The following XKR6 variants were observed in gnomAD, a reference collection of about 807,000 sequenced individuals.
XKR6 encodes the protein XK-related protein 6.
In XKR6, 22 loss-of-function variants were observed where a neutral mutation model predicts 56.7. The observed-to-expected ratio is 0.39, with a 90% CI of 0.28 to 0.55. The LOEUF is 0.55. Among genes scored for constraint, XKR6 ranks in the 20% least tolerant of loss-of-function variants. The probability of loss-of-function intolerance (pLI) is 0.66; values close to 1 mark genes in which losing one functional copy is unlikely to be tolerated. For missense variants in XKR6, 852 were observed against 889.0 expected (o/e 0.96, Z 0.53); for synonymous variants, 524 against 387.8 (o/e 1.35, Z -4.13).
chr8:10,971,314 G>C lies in XKR6; in HGVS notation c.765-46484C>G, dbSNP rs560503529. Among the ~76,000 whole-genome samples, 10 of 151,914 alleles carry C rather than the reference G, an allele frequency of 6.6e-5. No individual in the cohort carries two copies. The South Asian group carries it at 1.9e-3, about 28-fold the overall frequency. On this transcript the variant is annotated intron_variant, in intron 1 of 2. Transcript: ENST00000416569. ...CGGGCACCTGTAGTCCCGGCTACTC[G>C]GGAGGCTGAGGCAGGAGAATGGCGT...
intron 1 of XKR6, among the ~76,000 whole-genome samples, chr8:11,065,579 CG>C (rs1253825610): frequency 7.3e-5 from 11 of 151,610 alleles, no homozygotes; most frequent in Non-Finnish European, 1.2e-4. Context: ...TTACTTAATA[CG>C]TTTTTTTTTT....
At chr8:11,065,396 T>G (rs1311004537) in intron 1 of XKR6, among the ~76,000 whole-genome samples, 1 of 152,218 alleles carries the variant, frequency 6.6e-6, no homozygotes, top group African/African-American at 2.4e-5. Flanking sequence ...GCTCCACCAT[T>G]CGGTGGCTTC....
chr8:11,108,242 T>C (rs933371286), intron 1 of XKR6: 7 of 453,820 alleles, frequency 1.5e-5, no homozygotes, highest in African/African-American at 1.4e-4. Context: ...TTGTAAAATC[T>C]GTAAGGAATA....
At chr8:11,199,075 G>C (rs912759514) in intron 1 of XKR6, among the ~76,000 whole-genome samples, 1 of 152,076 alleles carries the variant, frequency 6.6e-6, no homozygotes, top group Non-Finnish European at 1.5e-5. Context: ...AAAGTTAATC[G>C]GCATTTTCCT....
At chr8:11,084,249 G>C (rs1797813301) in intron 1 of XKR6, among the ~76,000 whole-genome samples, 1 of 152,240 alleles carries the variant, frequency 6.6e-6, no homozygotes, top group Non-Finnish European at 1.5e-5. Flanking sequence ...CAAACCAAGA[G>C]AGTTGGAAAT....
chr8:11,022,432 CT>C (rs1188534574), intron 1 of XKR6, among the ~76,000 whole-genome samples: 9 of 152,156 alleles, frequency 5.9e-5, no homozygotes, highest in South Asian at 2.1e-4. Flanking sequence ...AGCAGTCCCC[CT>C]GGGTCCAAGG....
rs1799067695 is a variant in XKR6, at chr8:11,033,808, A to T, written c.765-108978T>A. ...CTCGTATCTTCAGATTATGACTCCT[A>T]GGGGTCCAGAAATACACATTTTAAA... is the stretch of plus-strand genomic sequence containing the variant. On this transcript the variant is annotated intron_variant, in intron 1 of 2. Transcript: ENST00000416569. 2.0e-5 allele frequency among the ~76,000 whole-genome samples: 3 copies of T among 152,178 alleles called. No individual in the cohort carries two copies. In the South Asian group the frequency reaches 6.2e-4, roughly 32 times the overall value.
intron 1 of XKR6, chr8:11,195,358 A>G: frequency 1.7e-6 from 1 of 588,994 alleles, no homozygotes; most frequent in Non-Finnish European, 3.0e-6. Flanking sequence ...GTCAACTGCT[A>G]ATATCATGTT....
chr8:10,896,581 A>C lies in XKR6; in HGVS notation c.*1371T>G, dbSNP rs1396619880. On this transcript the variant is annotated 3_prime_UTR_variant, in exon 3 of 3. Coordinates refer to ENST00000416569, the MANE Select transcript of XKR6 (RefSeq NM_173683.4). ...CACACATACACACACAAACACACAC[A>C]TACTACACACACAAAATTTCCCATT... 6.6e-6 allele frequency: 1 copy of C among 152,620 alleles called. No individual in the cohort carries two copies. Among genetic ancestry groups the C allele is most frequent in the Non-Finnish European group, 1.5e-5 (1 of 68,046 alleles). 9.5% of individuals were successfully genotyped at this position (152,620 alleles called of 1,614,324 possible).
rs941435720 is a variant in XKR6, at chr8:10,937,879, G to A, written c.765-13049C>T. On this transcript the variant is annotated intron_variant, in intron 1 of 2. Transcript: ENST00000416569. ...GTTTGTCTGTGCCCTGCCCCCAGAG[G>A]TGGAGCCTACAGAGGCAGGCAGGCC... is the stretch of plus-strand genomic sequence containing the variant. Among the ~76,000 whole-genome samples, 51 of 152,074 alleles carry A rather than the reference G, an allele frequency of 3.4e-4. 1 individual carries two copies. The highest frequency in any genetic ancestry group is 1.3e-4 in the Non-Finnish European group (9 of 67,978).
chr8:11,059,696 C>G (rs1180433430), intron 1 of XKR6, among the ~76,000 whole-genome samples: 3 of 127,924 alleles, frequency 2.3e-5, no homozygotes, highest in Non-Finnish European at 4.6e-5. Context: ...CGGGGCGGGA[C>G]AGGCGCGTCT....
chr8:10,926,394 G>C (rs560741285), intron 1 of XKR6, among the ~76,000 whole-genome samples: 1 of 152,148 alleles, frequency 6.6e-6, no homozygotes, highest in Non-Finnish European at 1.5e-5. Flanking sequence ...ACTGATGAGG[G>C]GTGCCCGGCT....
intron 1 of XKR6, among the ~76,000 whole-genome samples, chr8:10,964,477 A>C (rs1802158123): frequency 6.6e-6 from 1 of 152,154 alleles, no homozygotes. Flanking sequence ...TGAAACAACC[A>C]TGACACACAT....
At chr8:10,965,709 G>A (rs960658411) in intron 1 of XKR6, among the ~76,000 whole-genome samples, 1 of 152,238 alleles carries the variant, frequency 6.6e-6, no homozygotes, top group Non-Finnish European at 1.5e-5. Flanking sequence ...TGTTACCGGG[G>A]CAACAGACGG....
intron 1 of XKR6, among the ~76,000 whole-genome samples, chr8:10,959,696 A>C (rs544759478): frequency 2.6e-5 from 4 of 152,246 alleles, no homozygotes; most frequent in Admixed American, 6.5e-5. Context: ...ACACCATCCC[A>C]CTGTGGGTTA....
At chr8:11,094,047 G>C (rs773467343) in intron 1 of XKR6, among the ~76,000 whole-genome samples, 8 of 145,080 alleles carry the variant, frequency 5.5e-5, no homozygotes, top group African/African-American at 1.0e-4. Flanking sequence ...GCCTCCCAAA[G>C]TGCTGGGATT....
chr8:11,014,812 A>G (rs1316484502), intron 1 of XKR6, among the ~76,000 whole-genome samples: 1 of 152,082 alleles, frequency 6.6e-6, no homozygotes, highest in Non-Finnish European at 1.5e-5. Flanking sequence ...CCATGTAACA[A>G]ACCTGCACGC....
chr8:11,099,654 C>G (rs780263323), intron 1 of XKR6, among the ~76,000 whole-genome samples: 1 of 152,204 alleles, frequency 6.6e-6, no homozygotes, highest in Non-Finnish European at 1.5e-5. Flanking sequence ...CTCATTCACT[C>G]GCTCAAATAT....
At chr8:11,146,921 G>T (rs1372131342) in intron 1 of XKR6, among the ~76,000 whole-genome samples, 1 of 151,936 alleles carries the variant, frequency 6.6e-6, no homozygotes, top group Non-Finnish European at 1.5e-5. Context: ...ATCTAAAATA[G>T]TCAGACTCAC....
Sources: allele counts gnomAD v4.1 joint callset (sites outside exome capture counted in the v4.1 genomes callset), GRCh38; gene constraint gnomAD v4.1.1; transcripts MANE v1.5; gene names NCBI Gene and HGNC (gene_info 2026-07-23, HGNC 2026-07-21).